The following NFIA variants were observed in gnomAD, a reference collection of about 807,000 sequenced individuals.
NFIA encodes the protein nuclear factor 1 A-type.
In NFIA, 8 loss-of-function variants were observed where a neutral mutation model predicts 62.8. That is an observed-to-expected ratio of 0.13 (90% CI 0.07 to 0.23). The LOEUF (loss-of-function observed/expected upper bound fraction) is 0.23, where lower values mean the gene tolerates loss of function less well. Ranked by LOEUF, NFIA falls within the 10% of genes least tolerant of loss-of-function variation. The pLI, the probability that NFIA is intolerant of heterozygous loss-of-function variation, is 1.00. For synonymous variants in NFIA, 235 were observed against 238.1 expected, an observed-to-expected ratio of 0.99 and a Z score of 0.12; for missense variants, 410 against 642.1, an observed-to-expected ratio of 0.64 and a Z score of 3.91.
Position 61,359,340 on chromosome 1 carries a change from A to G in NFIA, c.946+66A>G, listed in dbSNP as rs1048486961. The G allele has an allele frequency of 6.2e-6, 10 of 1,606,028 alleles. No individual in the cohort carries two copies. The East Asian group carries it at 2.0e-4, about 32-fold the overall frequency. The stretch of plus-strand genomic sequence containing the variant: ...AAACTGAAAATACGTGTGGGGTCCC[A>G]TGCCACGCATAAAAGTGAAGAAAGA... On this transcript the variant is annotated intron_variant, in intron 6 of 10. Transcript: ENST00000403491.
At chr1:61,231,870 AAC>A (rs1351956135) in intron 2 of NFIA, among the ~76,000 whole-genome samples, 3 of 149,606 alleles carry the variant, frequency 2.0e-5, no homozygotes, top group African/African-American at 7.4e-5. Flanking sequence ...AAACAACAAC[AAC>A]AAAAAAAAAC....
At chr1:61,113,991 T>G (rs190890651) in intron 2 of NFIA, among the ~76,000 whole-genome samples, 2 of 152,216 alleles carry the variant, frequency 1.3e-5, no homozygotes, top group East Asian at 3.9e-4. Context: ...GAAGTCCAAA[T>G]GTAGGGAGCA....
intron 4 of NFIA, among the ~76,000 whole-genome samples, chr1:61,336,910 C>T (rs1661643942): frequency 6.6e-6 from 1 of 152,114 alleles, no homozygotes; most frequent in Non-Finnish European, 1.5e-5. Flanking sequence ...AGATTTTTCT[C>T]CCTTTCTGGA....
chr1:61,293,710 A>G (rs1247898312), intron 3 of NFIA, among the ~76,000 whole-genome samples: 2 of 152,226 alleles, frequency 1.3e-5, no homozygotes, highest in South Asian at 2.1e-4. Flanking sequence ...AAAGAACTTC[A>G]TGTAATCTCA....
chr1:61,239,126 C>T (rs1257946253), intron 2 of NFIA, among the ~76,000 whole-genome samples: 1 of 152,094 alleles, frequency 6.6e-6, no homozygotes, highest in African/African-American at 2.4e-5. Flanking sequence ...GGATTTCTCA[C>T]GTTCCTTTTG....
At chr1:61,394,449 A>G (rs1665165796) in intron 7 of NFIA, among the ~76,000 whole-genome samples, 1 of 152,242 alleles carries the variant, frequency 6.6e-6, no homozygotes, top group African/African-American at 2.4e-5. Context: ...CTGGGATTAC[A>G]GGCGTGAGCC....
Position 61,245,256 on chromosome 1 carries a change from G to C in NFIA, c.560-32264G>C, listed in dbSNP as rs138940962. ...TATGCAGAATTAAATTGAGGGGCATGGTTTTTGTTTTGTAAGTATTCATTC... is the reference window on the plus strand; with the variant it reads ...TATGCAGAATTAAATTGAGGGGCATCGTTTTTGTTTTGTAAGTATTCATTC... On this transcript the variant is annotated intron_variant, in intron 2 of 10. Transcript: ENST00000403491. 4.1e-3 allele frequency among the ~76,000 whole-genome samples: 624 copies of C among 152,152 alleles called. 9 individuals are homozygous for C. The highest frequency in any genetic ancestry group is 0.019 in the Admixed American group (292 of 15,294).
At chr1:61,403,681 A>G (rs1009831637) in intron 7 of NFIA, among the ~76,000 whole-genome samples, 3 of 152,200 alleles carry the variant, frequency 2.0e-5, no homozygotes, top group Non-Finnish European at 2.9e-5. Flanking sequence ...TTAACAATGA[A>G]TTATTGTCTA....
rs766730638 is a variant in NFIA, at chr1:61,393,244, C to CCT, written c.1075+9925_1075+9926dup. 9.0e-3 allele frequency among the ~76,000 whole-genome samples: 261 copies of CCT among 29,086 alleles called. 11 individuals are homozygous for CCT. Among genetic ancestry groups the CCT allele is most frequent in the Middle Eastern group, 0.023 (1 of 44 alleles). The allele number at this position is 29,086 out of a possible 152,430, so 19.1% of individuals were successfully genotyped here. A position where few individuals can be genotyped will look rare whatever the true frequency, so the allele number is the denominator to read the frequency against. ...ATGGTTTCTTCTGCCTCGCCCTCTC[C>CCT]CTCTCTCTCTCTCTCTCTCTCTCTC... On this transcript the variant is annotated intron_variant, in intron 7 of 10. Transcript: ENST00000403491.
At chr1:61,130,923 G>A (rs1420936676) in intron 2 of NFIA, among the ~76,000 whole-genome samples, 3 of 152,174 alleles carry the variant, frequency 2.0e-5, no homozygotes, top group African/African-American at 7.2e-5. Flanking sequence ...CTAGGGCTAT[G>A]ACAGATTCAT....
chr1:61,216,901 G>A (rs1653661662), intron 2 of NFIA, among the ~76,000 whole-genome samples: 1 of 151,892 alleles, frequency 6.6e-6, no homozygotes, highest in South Asian at 2.1e-4. Context: ...CCGGGAGGCT[G>A]AGGCAGGAGA....
intron 3 of NFIA, among the ~76,000 whole-genome samples, chr1:61,303,665 C>A (rs1659605670): frequency 6.6e-6 from 1 of 152,184 alleles, no homozygotes; most frequent in African/African-American, 2.4e-5. Context: ...TTGACTTCAG[C>A]AGCATAAGAA....
intron 2 of NFIA, among the ~76,000 whole-genome samples, chr1:61,102,646 T>G (rs1646531708): frequency 6.6e-6 from 1 of 152,190 alleles, no homozygotes; most frequent in East Asian, 1.9e-4. Flanking sequence ...TAATACTATA[T>G]ATTTTTAAAT....
intron 2 of NFIA, among the ~76,000 whole-genome samples, chr1:61,201,465 A>C (rs1318796569): frequency 1.3e-5 from 2 of 152,070 alleles, no homozygotes; most frequent in Non-Finnish European, 2.9e-5. Context: ...AGCTTAAGGC[A>C]AACTTTAAAA....
intron 2 of NFIA, among the ~76,000 whole-genome samples, chr1:61,214,132 G>T (rs1296281166): frequency 6.6e-6 from 1 of 152,140 alleles, no homozygotes; most frequent in Non-Finnish European, 1.5e-5. Context: ...TTCTGACTAC[G>T]CCTAGGCCTG....
chr1:61,240,004 A>G (rs1570435471), intron 2 of NFIA, among the ~76,000 whole-genome samples: 1 of 152,248 alleles, frequency 6.6e-6, no homozygotes, highest in East Asian at 1.9e-4. Context: ...GGTTTACGTC[A>G]TATCTCTGCA....
intron 2 of NFIA, among the ~76,000 whole-genome samples, chr1:61,096,781 G>A (rs978207127): frequency 8.0e-5 from 12 of 150,750 alleles, no homozygotes; most frequent in African/African-American, 2.9e-4. Context: ...TCGAACTCCT[G>A]ACTTTGTGAT....
In NFIA at chr1:61,114,271, G is replaced by GA. The variant is rs141300374; in HGVS notation, c.559+25599dup. Among the ~76,000 whole-genome samples the GA allele has an allele frequency of 3.3e-3, 493 of 151,440 alleles. 3 individuals carry two copies. The highest frequency in any genetic ancestry group is 0.011 in the African/African-American group (461 of 41,290). On this transcript the variant is annotated intron_variant, in intron 2 of 10. Transcript: ENST00000403491. Reference sequence around the variant, plus strand: ...CTATATACGTAGAAAGACCTATGTAGAAAAAAAATGAACATTCTAGCCTGG... The same window carrying GA: ...CTATATACGTAGAAAGACCTATGTAGAAAAAAAAATGAACATTCTAGCCTGG...
chr1:61,283,581 CAAAAAAAAAAAAAA>C (rs576613886), intron 3 of NFIA, among the ~76,000 whole-genome samples: 1 of 36,680 alleles, frequency 2.7e-5, no homozygotes, highest in African/African-American at 8.6e-5. Context: ...GACTCTGTCT[CAAAAAAAAAAAAAA>C]AAAAAAAAAA....
Sources: allele counts gnomAD v4.1 joint callset (sites outside exome capture counted in the v4.1 genomes callset), GRCh38; gene constraint gnomAD v4.1.1; transcripts MANE v1.5; gene names NCBI Gene and HGNC (gene_info 2026-07-23, HGNC 2026-07-21).